The following CLIP1 variants were observed in gnomAD, a reference collection of about 807,000 sequenced individuals.
The protein encoded by CLIP1 is CAP-Gly domain-containing linker protein 1.
A neutral mutation model predicts 161.6 loss-of-function variants in CLIP1; 66 were observed. That is an observed-to-expected ratio of 0.41 (90% confidence interval 0.33 to 0.50). The LOEUF (loss-of-function observed/expected upper bound fraction) is 0.50. CLIP1 is among the 20% of genes least tolerant of loss of function. CLIP1 has a pLI of 0.27. For missense variants in CLIP1, 1,376 were observed against 1,702.0 expected, an observed-to-expected ratio of 0.81 and a Z score of 3.37; for synonymous variants, 598 against 626.2, an observed-to-expected ratio of 0.96 and a Z score of 0.67.
intron 11 of CLIP1, among the ~76,000 whole-genome samples, chr12:122,339,881 A>G (rs537895692): frequency 3.2e-4 from 49 of 152,278 alleles, no homozygotes; most frequent in African/African-American, 1.2e-3. Context: ...ATGTTACTGT[A>G]CTGAATGTTG....
chr12:122,302,329 T>A (rs1474819613), intron 20 of CLIP1, among the ~76,000 whole-genome samples: 4 of 152,180 alleles, frequency 2.6e-5, no homozygotes, highest in Non-Finnish European at 5.9e-5. Flanking sequence ...CTTGAACTCC[T>A]GACCTCAGGT....
chr12:122,348,849 G>T (rs1230991736), intron 9 of CLIP1, among the ~76,000 whole-genome samples: 1 of 152,212 alleles, frequency 6.6e-6, no homozygotes, highest in Non-Finnish European at 1.5e-5. Context: ...CAGAGCTTCA[G>T]TAGAGGGGGG....
intron 20 of CLIP1, among the ~76,000 whole-genome samples, chr12:122,295,959 C>G (rs1364440813): frequency 6.6e-6 from 1 of 152,094 alleles, no homozygotes; most frequent in Non-Finnish European, 1.5e-5. Flanking sequence ...ATGTCTTGTT[C>G]CATCCTTTTA....
At chr12:122,321,611 T>G (rs1012621152) in intron 17 of CLIP1, among the ~76,000 whole-genome samples, 1 of 152,116 alleles carries the variant, frequency 6.6e-6, no homozygotes. Context: ...TTCTGCCTCC[T>G]GGGCTCAAGC....
intron 20 of CLIP1, among the ~76,000 whole-genome samples, chr12:122,293,411 G>A (rs777584011): frequency 1.3e-5 from 2 of 151,912 alleles, no homozygotes; most frequent in African/African-American, 2.4e-5. Flanking sequence ...TGGGATAACC[G>A]GAAACCTCAT....
At chr12:122,408,237 A>G (rs530750747) in intron 1 of CLIP1, among the ~76,000 whole-genome samples, 1 of 152,150 alleles carries the variant, frequency 6.6e-6, no homozygotes, top group Non-Finnish European at 1.5e-5. Context: ...CTCAAAAAAA[A>G]AAAAAAAAAG....
chr12:122,398,424 TAAA>T (rs375091505), intron 1 of CLIP1, among the ~76,000 whole-genome samples: 1 of 135,910 alleles, frequency 7.4e-6, no homozygotes, highest in Non-Finnish European at 1.6e-5. Flanking sequence ...GACTCCACCT[TAAA>T]AAAAAAAAAA....
At chr12:122,389,465 G>T (rs1157429279) in intron 1 of CLIP1, among the ~76,000 whole-genome samples, 1 of 151,990 alleles carries the variant, frequency 6.6e-6, no homozygotes, top group Non-Finnish European at 1.5e-5. Context: ...TAAGCCCAAA[G>T]AATTTATAAA....
At position 122,361,101 on chromosome 12, in the gene CLIP1, G is replaced by C. The variant is rs1214436019; in HGVS notation, c.863C>G (p.Pro288Arg). 5.6e-6 allele frequency: 9 copies of C among 1,614,140 alleles called. No homozygotes were observed. Among genetic ancestry groups the C allele is most frequent in the Non-Finnish European group, 6.8e-6 (8 of 1,180,058 alleles). Residue 288 changes from proline (P) to arginine (R), a missense_variant, in exon 5 of 26, where the codon CCA (proline) becomes CGA (arginine). Coordinates refer to ENST00000620786, the MANE Select transcript of CLIP1 (RefSeq NM_001247997.2). ...VTKIGFPSTT[P>R]AKAKANAVRR... Reference sequence around the variant, plus strand: ...CACTGCGTTGGCCTTGGCTTTGGCTGGTGTAGTGGAAGGGAAGCCAATCTT... The same window carrying C: ...CACTGCGTTGGCCTTGGCTTTGGCTCGTGTAGTGGAAGGGAAGCCAATCTT...
At chr12:122,281,913 C>T (rs921175102) in intron 21 of CLIP1, among the ~76,000 whole-genome samples, 1 of 152,052 alleles carries the variant, frequency 6.6e-6, no homozygotes, top group Non-Finnish European at 1.5e-5. Context: ...ATAATCAGGA[C>T]TCTATTTGGC....
intron 21 of CLIP1, among the ~76,000 whole-genome samples, chr12:122,288,051 G>C (rs1222076063): frequency 7.4e-6 from 1 of 135,106 alleles, no homozygotes; most frequent in Non-Finnish European, 1.6e-5. Flanking sequence ...TTTTTTTTTT[G>C]AGACGGAGTC....
chr12:122,338,345 C>A (rs1017787943), intron 11 of CLIP1, among the ~76,000 whole-genome samples: 7 of 151,996 alleles, frequency 4.6e-5, no homozygotes, highest in Admixed American at 3.9e-4. Flanking sequence ...CCTTAAGATG[C>A]GAATATATGT....
intron 20 of CLIP1, among the ~76,000 whole-genome samples, chr12:122,304,862 A>C (rs1318279113): frequency 6.6e-6 from 1 of 152,112 alleles, no homozygotes; most frequent in African/African-American, 2.4e-5. Flanking sequence ...GATAACCACC[A>C]TTTTTCCAAA....
intron 18 of CLIP1, among the ~76,000 whole-genome samples, chr12:122,317,417 G>T (rs983020145): frequency 6.6e-6 from 1 of 152,096 alleles, no homozygotes; most frequent in African/African-American, 2.4e-5. Context: ...AAGCCATGTC[G>T]TGGGACTGAA....
chr12:122,289,191 G>A (rs1348078913), intron 20 of CLIP1, among the ~76,000 whole-genome samples: 2 of 151,800 alleles, frequency 1.3e-5, no homozygotes, highest in African/African-American at 2.4e-5. Context: ...CAGCACTTTG[G>A]TGGGGCAAGA....
chr12:122,380,406 A>G lies in CLIP1; in HGVS notation c.47T>C (p.Leu16Pro). 1 of 1,613,854 alleles carries G rather than the reference A, an allele frequency of 6.2e-7. No individual in the cohort carries two copies. Among genetic ancestry groups the G allele is most frequent in the Non-Finnish European group, 8.5e-7 (1 of 1,179,846 alleles). Reference sequence around the variant, plus strand: ...CTTCAGAGCTGTGCTTCCAGGCTTCAGGATCTTGGTGGGGGCCTTAAGCCC... The same window carrying G: ...CTTCAGAGCTGTGCTTCCAGGCTTCGGGATCTTGGTGGGGGCCTTAAGCCC... Reference protein sequence around the residue: ...PSGLKAPTKILKPGSTALKTP... With the variant: ...PSGLKAPTKIPKPGSTALKTP... Residue 16 changes from leucine (L) to proline (P), a missense_variant, in exon 2 of 26, where the codon CTG becomes CCG. Leu to Pro is a moderately conservative substitution (Grantham distance 98, BLOSUM62 -3). Around this residue, in one of 6 missense-constraint regions of CLIP1, gnomAD observed 66 missense variants for 67.8 expected, o/e 0.97. Transcript: ENST00000620786.
intron 21 of CLIP1, among the ~76,000 whole-genome samples, chr12:122,284,688 G>A (rs1045712523): frequency 6.6e-6 from 1 of 152,022 alleles, no homozygotes; most frequent in African/African-American, 2.4e-5. Flanking sequence ...AGCGTCCCAT[G>A]CCTAACCATA....
chr12:122,372,490 G>A lies in CLIP1; in HGVS notation c.657+4899C>T, dbSNP rs183631611. Among the ~76,000 whole-genome samples the A allele has an allele frequency of 2.2e-4, 33 of 151,896 alleles. No homozygotes were observed. The East Asian group carries it at 5.0e-3, about 23-fold the overall frequency. On this transcript the variant is annotated intron_variant, in intron 3 of 25. Transcript: ENST00000620786. ...CCAGCTACGCTACTTGGGAAGCTGAGGCAGGAGAATCGCTTGAACTCACGG... is the reference window on the plus strand; with the variant it reads ...CCAGCTACGCTACTTGGGAAGCTGAAGCAGGAGAATCGCTTGAACTCACGG...
intron 1 of CLIP1, among the ~76,000 whole-genome samples, chr12:122,389,554 T>A (rs1955491749): frequency 6.6e-6 from 1 of 151,904 alleles, no homozygotes; most frequent in African/African-American, 2.4e-5. Flanking sequence ...AGGTTAGGTG[T>A]TCGAGACCAA....
Sources: gnomAD v4.1 joint callset for allele counts (sites outside exome capture counted in the v4.1 genomes callset) on GRCh38, gnomAD v4.1.1 for gene constraint, gnomAD v4.1.1 regional missense constraint, MANE v1.5 for transcripts, NCBI Gene and HGNC (gene_info 2026-07-23, HGNC 2026-07-21) for gene names.